The following LARGE1 variants were observed in gnomAD, a reference collection of about 807,000 sequenced individuals.
The protein encoded by LARGE1 is xylosyl- and glucuronyltransferase LARGE1.
A neutral mutation model predicts 87.6 loss-of-function variants in LARGE1; 43 were observed. The observed-to-expected ratio is 0.49, with a 90% CI of 0.38 to 0.63. The LOEUF (loss-of-function observed/expected upper bound fraction) is 0.63. LARGE1 is among the 30% of genes least tolerant of loss of function. The probability of loss-of-function intolerance (pLI) is 0.00; values close to 1 mark genes in which losing one functional copy is unlikely to be tolerated. For missense variants in LARGE1, 802 were observed against 1,000.2 expected, an observed-to-expected ratio of 0.80 and a Z score of 2.67; for synonymous variants, 434 against 394.6, an observed-to-expected ratio of 1.10 and a Z score of -1.18.
intron 6 of LARGE1, among the ~76,000 whole-genome samples, chr22:33,510,543 CAA>C (rs1330413156): frequency 2.6e-5 from 4 of 152,146 alleles, no homozygotes; most frequent in Admixed American, 2.0e-4. Context: ...AAGAAAATAC[CAA>C]AGTCCACAGA....
At chr22:33,266,955 C>A (rs185724603) in intron 11 of LARGE1, among the ~76,000 whole-genome samples, 1 of 151,842 alleles carries the variant, frequency 6.6e-6, no homozygotes, top group African/African-American at 2.4e-5. Context: ...AATATCTTCT[C>A]ATGGCCAGTC....
intron 2 of LARGE1, among the ~76,000 whole-genome samples, chr22:33,756,442 A>C (rs1228465159): frequency 6.6e-6 from 1 of 152,216 alleles, no homozygotes; most frequent in Non-Finnish European, 1.5e-5. Context: ...TTAGGTAAAT[A>C]GGGAGCCAAG....
chr22:33,213,833 T>C (rs1925073872), intron 11 of LARGE1, among the ~76,000 whole-genome samples: 2 of 150,766 alleles, frequency 1.3e-5, no homozygotes, highest in Non-Finnish European at 3.0e-5. Context: ...TTCTTTTTCT[T>C]TTTTTTTTTG....
At chr22:33,915,832 C>T (rs2065771213) in intron 1 of LARGE1, among the ~76,000 whole-genome samples, 1 of 152,208 alleles carries the variant, frequency 6.6e-6, no homozygotes, top group African/African-American at 2.4e-5. Flanking sequence ...CTTCCAGCCA[C>T]ACTAACTATG....
At chr22:33,704,509 G>A (rs1039801785) in intron 2 of LARGE1, among the ~76,000 whole-genome samples, 1 of 152,106 alleles carries the variant, frequency 6.6e-6, no homozygotes, top group Non-Finnish European at 1.5e-5. Flanking sequence ...GATCCTTCTG[G>A]GCAGTACCCT....
chr22:33,382,721 C>G (rs1009451578), intron 8 of LARGE1, among the ~76,000 whole-genome samples: 1 of 152,134 alleles, frequency 6.6e-6, no homozygotes, highest in African/African-American at 2.4e-5. Flanking sequence ...GCCTTCGTGG[C>G]AGAAGATGGC....
At chr22:33,847,647 G>A (rs567779245) in intron 1 of LARGE1, among the ~76,000 whole-genome samples, 7 of 152,168 alleles carry the variant, frequency 4.6e-5, no homozygotes, top group African/African-American at 1.4e-4. Flanking sequence ...GTGGTACGCT[G>A]TGAACTGACC....
At chr22:33,682,504 T>A (rs542834059) in intron 2 of LARGE1, among the ~76,000 whole-genome samples, 2 of 152,224 alleles carry the variant, frequency 1.3e-5, no homozygotes, top group Non-Finnish European at 2.9e-5. Context: ...CCCCTCATCA[T>A]AAATCCATGA....
chr22:33,691,960 C>G (rs533844865), intron 2 of LARGE1, among the ~76,000 whole-genome samples: 6 of 152,270 alleles, frequency 3.9e-5, no homozygotes, highest in African/African-American at 1.4e-4. Context: ...AAGTATCTCC[C>G]TCATTACATC....
intron 10 of LARGE1, among the ~76,000 whole-genome samples, chr22:33,325,659 T>G (rs572283466): frequency 6.7e-6 from 1 of 148,170 alleles, no homozygotes; most frequent in Non-Finnish European, 1.5e-5. Flanking sequence ...GATGGAGACA[T>G]AGTACGATGG....
At position 33,626,257 on chromosome 22, in the gene LARGE1, C is replaced by T. The variant is rs775539988; in HGVS notation, c.478G>A (p.Val160Ile). 5.6e-5 allele frequency: 90 copies of T among 1,613,830 alleles called. No homozygotes were observed. Among genetic ancestry groups the T allele is most frequent in the East Asian group, 1.1e-4 (5 of 44,890 alleles). Reference sequence around the variant, plus strand: ...AGTTGTTCTTACCTATGGAACAGGACGGATTTGACCAGGGTGACGACATCC... The same window carrying T: ...AGTTGTTCTTACCTATGGAACAGGATGGATTTGACCAGGGTGACGACATCC... ...SRDVVTLVKS[V>I]LFHRRNPLHF... Residue 160 changes from valine (V) to isoleucine (I), a missense_variant, in exon 4 of 15, where the codon GTC (valine) becomes ATC (isoleucine). Coordinates refer to ENST00000397394, the MANE Select transcript of LARGE1 (RefSeq NM_133642.5).
chr22:33,847,904 CT>C (rs1269771252), intron 1 of LARGE1, among the ~76,000 whole-genome samples: 2 of 152,182 alleles, frequency 1.3e-5, no homozygotes, highest in African/African-American at 2.4e-5. Flanking sequence ...GCCATAGCCC[CT>C]GATCAAAAAT....
At chr22:33,398,798 G>A (rs1416654684) in intron 7 of LARGE1, among the ~76,000 whole-genome samples, 3 of 152,100 alleles carry the variant, frequency 2.0e-5, no homozygotes, top group Non-Finnish European at 1.5e-5. Flanking sequence ...AAAGGGAAGA[G>A]GGCCGACAGA....
At chr22:33,886,118 A>T (rs1453595942) in intron 1 of LARGE1, among the ~76,000 whole-genome samples, 1 of 152,186 alleles carries the variant, frequency 6.6e-6, no homozygotes, top group Non-Finnish European at 1.5e-5. Context: ...ATCTCAGGTA[A>T]CCACGCAGCC....
At chr22:33,872,423 A>G (rs1295133782) in intron 1 of LARGE1, among the ~76,000 whole-genome samples, 2 of 150,902 alleles carry the variant, frequency 1.3e-5, no homozygotes, top group African/African-American at 4.9e-5. Context: ...TTGCCATTAA[A>G]GAATTTAACA....
chr22:33,875,772 C>T (rs1034485803), intron 1 of LARGE1, among the ~76,000 whole-genome samples: 8 of 152,152 alleles, frequency 5.3e-5, no homozygotes, highest in African/African-American at 1.4e-4. Flanking sequence ...GAAGTGGAAG[C>T]GGGAAACACA....
rs527275610 is a variant in LARGE1 at position 33,647,488 on chromosome 22, C to T, written c.408+2879G>A. 2.0e-5 allele frequency among the ~76,000 whole-genome samples: 3 copies of T among 152,324 alleles called. No homozygotes were observed. The South Asian group carries it at 6.2e-4, about 32-fold the overall frequency. ...ACAACATAGCTAAAGCTCTGACAAT[C>T]ATTATGGGTCATGAGATGACCTTGG... is the stretch of plus-strand genomic sequence containing the variant. On this transcript the variant is annotated intron_variant, in intron 3 of 14. Coordinates refer to ENST00000397394, the MANE Select transcript of LARGE1 (RefSeq NM_133642.5).
At chr22:33,105,141 G>T in the LARGE1 span, among the ~76,000 whole-genome samples, 3 of 151,506 alleles carry the variant, frequency 2.0e-5, no homozygotes, top group East Asian at 5.9e-4. Flanking sequence ...GGGATTACAG[G>T]TGTGTGCCAC....
chr22:33,088,088 CATT>C, the LARGE1 span, among the ~76,000 whole-genome samples: 15 of 151,912 alleles, frequency 9.9e-5, no homozygotes, highest in African/African-American at 2.4e-5. Context: ...ACACACACAT[CATT>C]GATATATACC....
Sources: allele counts gnomAD v4.1 joint callset (sites outside exome capture counted in the v4.1 genomes callset), GRCh38; gene constraint gnomAD v4.1.1; transcripts MANE v1.5; gene names NCBI Gene and HGNC (gene_info 2026-07-23, HGNC 2026-07-21).